Variants in SLC24A2 observed in about 807,000 individuals in gnomAD.
The protein encoded by SLC24A2 is solute carrier family 24 member 2.
Under a neutral mutation model 62.0 loss-of-function variants are expected in SLC24A2, and 36 were observed. The observed-to-expected ratio is 0.58, with a 90% CI of 0.44 to 0.77. SLC24A2 has a LOEUF of 0.77. SLC24A2 is among the 30% of genes least tolerant of loss of function. SLC24A2 has a pLI of 0.00. For synonymous variants in SLC24A2, 358 were observed against 294.0 expected (o/e 1.22, Z -2.23); for missense variants, 846 against 817.9 (o/e 1.03, Z -0.42).
chr9:20,008,369 T>G, the SLC24A2 span, among the ~76,000 whole-genome samples: 1 of 152,174 alleles, frequency 6.6e-6, no homozygotes, highest in Non-Finnish European at 1.5e-5. Context: ...TTCGCCTGGC[T>G]CTGTCTGCCA....
At chr9:19,531,302 G>T (rs1047239907) in intron 8 of SLC24A2, among the ~76,000 whole-genome samples, 1 of 152,164 alleles carries the variant, frequency 6.6e-6, no homozygotes. Flanking sequence ...TCTCTGCCCA[G>T]TAGCAACTGT....
chr9:20,117,532 G>A, the SLC24A2 span, among the ~76,000 whole-genome samples: 1 of 152,126 alleles, frequency 6.6e-6, no homozygotes, highest in Non-Finnish European at 1.5e-5. Context: ...CCTTTTTAAA[G>A]TGTCTAATAT....
the SLC24A2 span, among the ~76,000 whole-genome samples, chr9:20,061,777 C>G: frequency 7.9e-5 from 12 of 151,726 alleles, no homozygotes; most frequent in African/African-American, 2.7e-4. Context: ...TTTGGTTAGT[C>G]AAGGAGTTCT....
At chr9:20,234,454 C>A in the SLC24A2 span, among the ~76,000 whole-genome samples, 1 of 152,164 alleles carries the variant, frequency 6.6e-6, no homozygotes. Flanking sequence ...CTAACCTTCT[C>A]TTCACACTTC....
the SLC24A2 span, among the ~76,000 whole-genome samples, chr9:20,130,976 G>C: frequency 2.0e-5 from 3 of 152,016 alleles, no homozygotes; most frequent in African/African-American, 7.3e-5. Context: ...CTCCTGCATG[G>C]GGGCTGGAGG....
At chr9:20,022,700 G>A in the SLC24A2 span, among the ~76,000 whole-genome samples, 1 of 152,190 alleles carries the variant, frequency 6.6e-6, no homozygotes, top group Non-Finnish European at 1.5e-5. Context: ...GAACATGAGG[G>A]CAAAGAATGT....
chr9:20,228,564 G>C, the SLC24A2 span, among the ~76,000 whole-genome samples: 1 of 152,294 alleles, frequency 6.6e-6, no homozygotes, highest in East Asian at 1.9e-4. Context: ...CTGGCTTGCT[G>C]TAGGGTGGGT....
the SLC24A2 span, among the ~76,000 whole-genome samples, chr9:19,995,412 A>G: frequency 2.0e-5 from 3 of 152,122 alleles, no homozygotes; most frequent in African/African-American, 4.8e-5. Context: ...GGGGAAGGAA[A>G]GAAAAACAGA....
chr9:19,558,802 A>G (rs1222658330), intron 7 of SLC24A2, among the ~76,000 whole-genome samples: 1 of 152,038 alleles, frequency 6.6e-6, no homozygotes, highest in Admixed American at 6.5e-5. Flanking sequence ...CATTGAAAAT[A>G]CTCTCACTGA....
chr9:19,832,144 G>A, the SLC24A2 span, among the ~76,000 whole-genome samples: 1 of 152,180 alleles, frequency 6.6e-6, no homozygotes, highest in African/African-American at 2.4e-5. Flanking sequence ...TTTCAGAATA[G>A]GCAGAATCTA....
intron 2 of SLC24A2, among the ~76,000 whole-genome samples, chr9:19,709,811 T>G (rs1820659897): frequency 1.3e-5 from 2 of 149,068 alleles, no homozygotes; most frequent in Admixed American, 6.7e-5. Flanking sequence ...AATGAGGAGT[T>G]AATGGGTGCA....
At chr9:20,192,877 A>C in the SLC24A2 span, among the ~76,000 whole-genome samples, 1 of 152,142 alleles carries the variant, frequency 6.6e-6, no homozygotes, top group Non-Finnish European at 1.5e-5. Flanking sequence ...TTCTATCTTC[A>C]TTTAATCTCC....
In SLC24A2 at chr9:19,636,305, TTTTCTTTTCTTTTCTTTC is replaced by T. The variant is rs1389685790; in HGVS notation, c.931-14024_931-14007del. Among the ~76,000 whole-genome samples the T allele has an allele frequency of 1.9e-3, 86 of 44,768 alleles. 2 individuals are homozygous for T. Among genetic ancestry groups the T allele is most frequent in the African/African-American group, 6.7e-3 (78 of 11,626 alleles). 29.4% of individuals were successfully genotyped at this position (44,768 alleles called of 152,430 possible). ...TCTTCTCTTCTTTTCTTTTCTTTTC[TTTTCTTTTCTTTTCTTTC>T]TTTCTTTCTTTCTTTCTTTCTTTCT... On this transcript the variant is annotated intron_variant, in intron 2 of 10. Transcript: ENST00000341998.
At chr9:20,267,367 G>A in the SLC24A2 span, among the ~76,000 whole-genome samples, 20 of 152,134 alleles carry the variant, frequency 1.3e-4, no homozygotes, top group South Asian at 4.2e-4. Context: ...TTGCTTACCC[G>A]GATCCCCCTG....
intron 8 of SLC24A2, among the ~76,000 whole-genome samples, chr9:19,542,400 C>A (rs1351428237): frequency 6.6e-6 from 1 of 152,202 alleles, no homozygotes; most frequent in African/African-American, 2.4e-5. Flanking sequence ...GACAATTTGA[C>A]TTCCTCTTTT....
intron 7 of SLC24A2, among the ~76,000 whole-genome samples, chr9:19,560,747 T>A (rs994494407): frequency 2.0e-5 from 3 of 152,294 alleles, no homozygotes; most frequent in Non-Finnish European, 2.9e-5. Flanking sequence ...TTTGAATAGA[T>A]CTTTTTGCTT....
chr9:20,244,400 TAA>T, the SLC24A2 span, among the ~76,000 whole-genome samples: 1 of 152,114 alleles, frequency 6.6e-6, no homozygotes, highest in Non-Finnish European at 1.5e-5. Context: ...CACTGAGGGA[TAA>T]AAGAGACCAG....
At chr9:20,095,139 T>C in the SLC24A2 span, among the ~76,000 whole-genome samples, 2 of 152,204 alleles carry the variant, frequency 1.3e-5, no homozygotes, top group African/African-American at 4.8e-5. Context: ...AAAAATCCAA[T>C]TTTTGTTTTG....
At chr9:19,795,626 C>T in the SLC24A2 span, among the ~76,000 whole-genome samples, 1 of 151,818 alleles carries the variant, frequency 6.6e-6, no homozygotes, top group African/African-American at 2.4e-5. Flanking sequence ...GGTCACTTTC[C>T]TGTCTCTTGA....
Sources: gnomAD v4.1 joint callset for allele counts (sites outside exome capture counted in the v4.1 genomes callset) on GRCh38, gnomAD v4.1.1 for gene constraint, MANE v1.5 for transcripts, NCBI Gene and HGNC (gene_info 2026-07-23, HGNC 2026-07-21) for gene names.